Variants in SLC12A2 observed in about 807,000 individuals in gnomAD.
SLC12A2 encodes Na-K-2Cl cotransporter 1.
SLC12A2 carries 67 observed loss-of-function variants against 136.3 expected under a neutral mutation model. That is an observed-to-expected ratio of 0.49 (90% CI 0.40 to 0.60). SLC12A2 has a LOEUF of 0.60. SLC12A2 is among the 20% of genes least tolerant of loss of function. The pLI, the probability that SLC12A2 is intolerant of heterozygous loss-of-function variation, is 0.00. For missense variants in SLC12A2, 1,322 were observed against 1,534.7 expected (o/e 0.86, Z 2.32); for synonymous variants, 619 against 562.9 (o/e 1.10, Z -1.41).
At chr5:128,119,895 A>C (rs948298952) in intron 4 of SLC12A2, among the ~76,000 whole-genome samples, 12 of 152,218 alleles carry the variant, frequency 7.9e-5, no homozygotes, top group Non-Finnish European at 1.6e-4. Context: ...GCACAACAAA[A>C]GAAACTACCA....
chr5:128,131,577 A>G (rs1447121652), intron 5 of SLC12A2, among the ~76,000 whole-genome samples: 1 of 149,350 alleles, frequency 6.7e-6, no homozygotes, highest in Admixed American at 6.7e-5. Flanking sequence ...GGTGGCAGGC[A>G]CCTGTAGTCC....
rs532666016 is a variant in SLC12A2 at position 128,094,565 on chromosome 5, A to G, written c.756+9855A>G. Among the ~76,000 whole-genome samples the G allele has an allele frequency of 4.6e-5, 7 of 152,012 alleles. No individual in the cohort carries two copies. In the East Asian group the frequency reaches 1.4e-3, roughly 29 times the overall value. The stretch of plus-strand genomic sequence containing the variant: ...TTGGTGACTTTTTTTTTCTTTTTTA[A>G]ATACTCATGACAAATGTTTTTATAT... On this transcript the variant is annotated intron_variant, in intron 1 of 26. Coordinates refer to ENST00000262461, the MANE Select transcript of SLC12A2 (RefSeq NM_001046.3).
rs1215091796 is a variant in SLC12A2 at position 128,110,407 on chromosome 5, T to A, written c.757-2407T>A. On this transcript the variant is annotated intron_variant, in intron 1 of 26. Coordinates refer to ENST00000262461, the MANE Select transcript of SLC12A2 (RefSeq NM_001046.3). Reference sequence around the variant, plus strand: ...GAAAGCAAAAACTCCACAGCTGTCTTGAGAGGGCAAGACAGCCGCAAAGGA... The same window carrying A: ...GAAAGCAAAAACTCCACAGCTGTCTAGAGAGGGCAAGACAGCCGCAAAGGA... 3.8e-6 allele frequency: 4 copies of A among 1,042,222 alleles called. No individual in the cohort carries two copies. The Admixed American group carries it at 6.8e-5, about 18-fold the overall frequency. The allele number at this position is 1,042,222 out of a possible 1,614,324, so 64.6% of individuals were successfully genotyped here. A position where few individuals can be genotyped will look rare whatever the true frequency, so the allele number is the denominator to read the frequency against.
chr5:128,111,775 A>G (rs569828213), intron 1 of SLC12A2, among the ~76,000 whole-genome samples: 1 of 150,574 alleles, frequency 6.6e-6, no homozygotes, highest in African/African-American at 2.5e-5. Flanking sequence ...AAAAAAAAAA[A>G]AAAAAAGTGT....
In SLC12A2 at chr5:128,181,004, T is replaced by A; in HGVS notation, c.3212+10T>A. 1.3e-6 allele frequency: 2 copies of A among 1,483,378 alleles called. No homozygotes were observed. The highest frequency in any genetic ancestry group is 2.3e-5 in the South Asian group (2 of 87,970). The allele number at this position is 1,483,378 out of a possible 1,614,324, so 91.9% of individuals were successfully genotyped here. ...ACCATGACCGGAGAGCGTAAGTTTA[T>A]TTCACATTGAAGGGCATGAATCTAT... On this transcript the variant is annotated intron_variant, in intron 23 of 26. Transcript: ENST00000262461.
At chr5:128,107,452 G>A (rs1387362750) in intron 1 of SLC12A2, among the ~76,000 whole-genome samples, 1 of 151,942 alleles carries the variant, frequency 6.6e-6, no homozygotes, top group Non-Finnish European at 1.5e-5. Context: ...ACCCCTCCCT[G>A]CCGCAACAGA....
chr5:128,112,671 A>G lies in SLC12A2; in HGVS notation c.757-143A>G, dbSNP rs914075147. 7.5e-5 allele frequency: 40 copies of G among 534,686 alleles called. 1 individual carries two copies. The highest frequency in any genetic ancestry group is 4.7e-4 in the Middle Eastern group (1 of 2,150). 33.1% of individuals were successfully genotyped at this position (534,686 alleles called of 1,614,324 possible). ...TTATTGTTTTGTCCTTTCCTGGGGT[A>G]AAATATTTGGAAACCCTTGATTCTT... is the stretch of plus-strand genomic sequence containing the variant. On this transcript the variant is annotated intron_variant, in intron 1 of 26. Transcript: ENST00000262461.
intron 17 of SLC12A2, among the ~76,000 whole-genome samples, chr5:128,164,043 A>G (rs769056432): frequency 2.3e-4 from 35 of 152,308 alleles, no homozygotes; most frequent in Admixed American, 1.0e-3. Flanking sequence ...TATACAAACA[A>G]TAAATTTTAG....
chr5:128,089,463 G>T (rs751104665), intron 1 of SLC12A2, among the ~76,000 whole-genome samples: 1 of 152,148 alleles, frequency 6.6e-6, no homozygotes, highest in African/African-American at 2.4e-5. Flanking sequence ...TTAATGCTAG[G>T]ACATAGTAGC....
chr5:128,084,458 C>T lies in SLC12A2; in HGVS notation c.504C>T (p.Asn168=). ...CCGGGGTCGGAGTCGACGGGCCCAA[C>T]GTGAGCTTCCAGAACGGCGGGGACA... ...DAAGVGVDGP[N]VSFQNGGDTV... The change falls in exon 1 of 27, where the codon AAC becomes AAT. Residue 168 remains asparagine, a synonymous_variant. Coordinates refer to ENST00000262461, the MANE Select transcript of SLC12A2 (RefSeq NM_001046.3). This position sits in a 1 kb window ranked among gnomAD's most constrained non-coding sequence, Gnocchi z 5.6. The T allele has an allele frequency of 1.2e-6, 2 of 1,613,030 alleles. No individual in the cohort carries two copies. The highest frequency in any genetic ancestry group is 1.1e-5 in the South Asian group (1 of 91,016).
chr5:128,109,555 G>A (rs982251088), intron 1 of SLC12A2: 4 of 690,586 alleles, frequency 5.8e-6, no homozygotes, highest in Non-Finnish European at 1.1e-5. Context: ...GTGGAGAAAG[G>A]CAGCTGAGTC....
In SLC12A2 at chr5:128,187,631, A is replaced by G. The variant is rs944931782; in HGVS notation, c.*1000A>G. ...TAAGTCATTAAAATAATGTTTCATC[A>G]AATGGTTAAATGGACCACTGGTTTC... On this transcript the variant is annotated 3_prime_UTR_variant, in exon 27 of 27. Transcript: ENST00000262461. 1.3e-5 allele frequency: 2 copies of G among 152,580 alleles called. No individual in the cohort carries two copies. The highest frequency in any genetic ancestry group is 2.9e-5 in the Non-Finnish European group (2 of 68,006). The allele number at this position is 152,580 out of a possible 1,614,324, so 9.5% of individuals were successfully genotyped here. A position where few individuals can be genotyped will look rare whatever the true frequency, so the allele number is the denominator to read the frequency against.
intron 7 of SLC12A2, 118 bp downstream of exon 7, chr5:128,135,926 C>T (rs982988934): frequency 1.5e-6 from 1 of 682,604 alleles, no homozygotes; most frequent in Non-Finnish European, 2.6e-6. Context: ...TGGTGATTCA[C>T]CCTAATTTAC....
intron 1 of SLC12A2, among the ~76,000 whole-genome samples, chr5:128,086,201 T>C (rs539062916): frequency 1.3e-5 from 2 of 152,346 alleles, no homozygotes; most frequent in Admixed American, 1.3e-4. Context: ...AATTGAAAGG[T>C]ATATATGTTG....
intron 1 of SLC12A2, among the ~76,000 whole-genome samples, chr5:128,091,137 A>T (rs932881812): frequency 1.3e-4 from 20 of 152,306 alleles, no homozygotes; most frequent in African/African-American, 4.6e-4. Context: ...TGATACAATG[A>T]GAGGTGTTCA....
Position 128,131,043 on chromosome 5 carries a change from T to G in SLC12A2, c.1049-24T>G, listed in dbSNP as rs201042093. The G allele has an allele frequency of 1.2e-4, 198 of 1,608,188 alleles. No homozygotes were observed. In the Admixed American group the frequency reaches 3.2e-3, roughly 26 times the overall value. ...AAATCCTAACTTTAGTACCTGTTTT[T>G]TTTGTTTGTTTGTTTGTTTTTAGGA... is the stretch of plus-strand genomic sequence containing the variant. On this transcript the variant is annotated intron_variant, in intron 4 of 26. Coordinates refer to ENST00000262461, the MANE Select transcript of SLC12A2 (RefSeq NM_001046.3).
chr5:128,114,553 A>T, intron 3 of SLC12A2, 33 bp from the exon 4 acceptor site: 2 of 1,381,428 alleles, frequency 1.4e-6, no homozygotes, highest in Non-Finnish European at 2.1e-6. Context: ...ACAAGAGTGT[A>T]AGTATTCTCA....
chr5:128,147,232 T>C (rs1762557050), intron 10 of SLC12A2, among the ~76,000 whole-genome samples: 1 of 151,644 alleles, frequency 6.6e-6, no homozygotes, highest in Non-Finnish European at 1.5e-5. Flanking sequence ...GGCATTGTAG[T>C]TAAGTTTTCA....
At chr5:128,089,050 C>T (rs1209623861) in intron 1 of SLC12A2, among the ~76,000 whole-genome samples, 1 of 151,968 alleles carries the variant, frequency 6.6e-6, no homozygotes, top group African/African-American at 2.4e-5. Context: ...TGCCTGTAAT[C>T]CCAGCTATTT....
Sources: gnomAD v4.1 joint callset for allele counts (sites outside exome capture counted in the v4.1 genomes callset) on GRCh38, gnomAD v4.1.1 for gene constraint, Gnocchi (gnomAD v3.1) non-coding constraint, MANE v1.5 for transcripts, NCBI Gene and HGNC (gene_info 2026-07-23, HGNC 2026-07-21) for gene names.